Variants in MACROD2 observed in about 807,000 individuals in gnomAD.
MACROD2 encodes mono-ADP ribosylhydrolase 2, also known as ADP-ribose glycohydrolase MACROD2.
Under a neutral mutation model 70.4 loss-of-function variants are expected in MACROD2, and 36 were observed. The ratio of observed to expected loss-of-function variants is 0.51; its 90% CI spans 0.39 to 0.68. The LOEUF (loss-of-function observed/expected upper bound fraction) is 0.68, where lower values mean the gene tolerates loss of function less well. Ranked by LOEUF, MACROD2 falls within the 30% of genes least tolerant of loss-of-function variation. The pLI, the probability that MACROD2 is intolerant of heterozygous loss-of-function variation, is 0.00. For synonymous variants in MACROD2, 172 were observed against 178.8 expected (o/e 0.96, Z 0.30); for missense variants, 496 against 538.4 (o/e 0.92, Z 0.78).
intron 4 of MACROD2, among the ~76,000 whole-genome samples, chr20:14,608,343 G>T (rs913995908): frequency 6.6e-6 from 1 of 152,074 alleles, no homozygotes; most frequent in Non-Finnish European, 1.5e-5. Context: ...TGAGTAATCT[G>T]CACTTTTATT....
At chr20:14,186,647 A>T (rs1601326006) in intron 3 of MACROD2, among the ~76,000 whole-genome samples, 1 of 152,166 alleles carries the variant, frequency 6.6e-6, no homozygotes, top group Admixed American at 6.5e-5. Flanking sequence ...ACATTCACTC[A>T]TATGTTCATT....
chr20:14,923,148 C>A (rs572146254), intron 5 of MACROD2, among the ~76,000 whole-genome samples: 1 of 152,282 alleles, frequency 6.6e-6, no homozygotes, highest in South Asian at 2.1e-4. Flanking sequence ...TTCCTCCAAC[C>A]TCGCTGGCTG....
intron 5 of MACROD2, among the ~76,000 whole-genome samples, chr20:15,161,597 G>GA (rs1392428935): frequency 6.6e-6 from 1 of 151,832 alleles, no homozygotes. Flanking sequence ...TAGAAGAGAA[G>GA]AAAAAATCCA....
In MACROD2 at chr20:14,810,326, C is replaced by T. The variant is rs1393809896; in HGVS notation, c.418+125367C>T. On this transcript the variant is annotated intron_variant, in intron 5 of 17. Coordinates refer to ENST00000684519, the MANE Select transcript of MACROD2 (RefSeq NM_001351661.2). ...ACGTAATCCATCACATAAACAGAAC[C>T]ATTGACAAAAACCACATGATTATCT... Among the ~76,000 whole-genome samples, 4 of 151,812 alleles carry T rather than the reference C, an allele frequency of 2.6e-5. 1 individual carries two copies. Among genetic ancestry groups the T allele is most frequent in the Admixed American group, 2.0e-4 (3 of 15,240 alleles).
At chr20:14,091,541 T>C (rs1210850059) in intron 3 of MACROD2, among the ~76,000 whole-genome samples, 1 of 152,168 alleles carries the variant, frequency 6.6e-6, no homozygotes, top group Non-Finnish European at 1.5e-5. Context: ...TTAATTAGCT[T>C]GGTTTAATCA....
chr20:14,397,788 T>C (rs2083596079), intron 3 of MACROD2, among the ~76,000 whole-genome samples: 1 of 152,202 alleles, frequency 6.6e-6, no homozygotes, highest in Non-Finnish European at 1.5e-5. Flanking sequence ...CAATAAGTTA[T>C]TGTCAACTAT....
At chr20:15,436,754 A>G (rs569083553) in intron 7 of MACROD2, among the ~76,000 whole-genome samples, 1 of 151,998 alleles carries the variant, frequency 6.6e-6, no homozygotes, top group Non-Finnish European at 1.5e-5. Flanking sequence ...GTAATATTCT[A>G]TTTAAAGAAA....
chr20:16,019,135 A>T (rs914532570), intron 15 of MACROD2, among the ~76,000 whole-genome samples: 2 of 152,242 alleles, frequency 1.3e-5, no homozygotes, highest in Admixed American at 1.3e-4. Flanking sequence ...ACTGGACTAG[A>T]TGGATAAACA....
intron 4 of MACROD2, among the ~76,000 whole-genome samples, chr20:14,578,416 C>G (rs1420546970): frequency 1.3e-5 from 2 of 151,938 alleles, no homozygotes; most frequent in Admixed American, 1.3e-4. Flanking sequence ...TTTAGTGTTT[C>G]ATTTAAGGGA....
intron 5 of MACROD2, among the ~76,000 whole-genome samples, chr20:14,690,865 T>A (rs958655910): frequency 6.6e-6 from 1 of 152,218 alleles, no homozygotes; most frequent in Admixed American, 6.5e-5. Flanking sequence ...ATCCAGCCTC[T>A]GTGGAAAAAG....
intron 7 of MACROD2, among the ~76,000 whole-genome samples, chr20:15,465,510 C>T (rs1435446988): frequency 4.6e-5 from 7 of 152,232 alleles, no homozygotes; most frequent in Admixed American, 4.6e-4. Context: ...GTTTGCAGAG[C>T]AGGCAGAATT....
chr20:15,697,075 T>C (rs1229944266), intron 8 of MACROD2, among the ~76,000 whole-genome samples: 1 of 152,152 alleles, frequency 6.6e-6, no homozygotes, highest in African/African-American at 2.4e-5. Context: ...TGATCTTGGG[T>C]ATTTCCTTTC....
intron 12 of MACROD2, among the ~76,000 whole-genome samples, chr20:15,938,876 A>G (rs1221079990): frequency 6.6e-6 from 1 of 152,228 alleles, no homozygotes; most frequent in Admixed American, 6.5e-5. Context: ...ATGAATGATA[A>G]GAAACTGAAA....
intron 5 of MACROD2, among the ~76,000 whole-genome samples, chr20:15,050,812 T>A (rs1023923521): frequency 2.0e-5 from 3 of 151,426 alleles, no homozygotes; most frequent in Admixed American, 1.3e-4. Flanking sequence ...AAAAAAAAAA[T>A]TCATCCCTGA....
chr20:16,019,340 A>T (rs1305773856), intron 15 of MACROD2, among the ~76,000 whole-genome samples: 1 of 152,198 alleles, frequency 6.6e-6, no homozygotes, highest in Non-Finnish European at 1.5e-5. Flanking sequence ...CACTGGTGGA[A>T]ATAAGGGCCA....
At chr20:14,554,351 T>G (rs1978877894) in intron 4 of MACROD2, 1 of 152,224 alleles carries the variant, frequency 6.6e-6, no homozygotes, top group Non-Finnish European at 1.5e-5. Context: ...TGGTGTGCTG[T>G]GCTGCTGTCG....
intron 6 of MACROD2, among the ~76,000 whole-genome samples, chr20:15,392,569 A>G (rs1216985733): frequency 6.6e-6 from 1 of 152,052 alleles, no homozygotes; most frequent in African/African-American, 2.4e-5. Context: ...ATGCTCCATC[A>G]TGCCTCTTTA....
At chr20:14,737,091 C>T (rs2071675141) in intron 5 of MACROD2, among the ~76,000 whole-genome samples, 1 of 152,024 alleles carries the variant, frequency 6.6e-6, no homozygotes, top group African/African-American at 2.4e-5. Flanking sequence ...TCTCCTAATG[C>T]TATCCTTCCC....
At chr20:14,935,448 GTGT>G (rs1190105387) in intron 5 of MACROD2, 1 of 152,134 alleles carries the variant, frequency 6.6e-6, no homozygotes, top group African/African-American at 2.4e-5. Context: ...GAATGCCTAT[GTGT>G]TTGTTGTTGT....
Sources: allele counts gnomAD v4.1 joint callset (sites outside exome capture counted in the v4.1 genomes callset), GRCh38; gene constraint gnomAD v4.1.1; transcripts MANE v1.5; gene names NCBI Gene and HGNC (gene_info 2026-07-23, HGNC 2026-07-21).